LSM14A: variants seen among roughly 807,000 people sequenced by gnomAD.
LSM14A encodes the protein LSM14A mRNA processing body assembly factor.
A neutral mutation model predicts 52.4 loss-of-function variants in LSM14A; 14 were observed. That is an observed-to-expected ratio of 0.27 (90% CI 0.18 to 0.42). The LOEUF is 0.42. Among genes scored for constraint, LSM14A ranks in the 10% least tolerant of loss-of-function variants. The pLI, the probability that LSM14A is intolerant of heterozygous loss-of-function variation, is 1.00. For missense variants in LSM14A, 417 were observed against 581.8 expected (o/e 0.72, Z 2.91); for synonymous variants, 185 against 200.3 (o/e 0.92, Z 0.64).
In LSM14A at chr19:34,227,790, TTG is replaced by T. The variant is rs71165635; in HGVS notation, c.*440_*441del. 0.062 allele frequency: 9,444 copies of T among 152,152 alleles called. 279 individuals carry two copies. Among genetic ancestry groups the T allele is most frequent in the African/African-American group, 0.099 (3,632 of 36,506 alleles). 9.4% of individuals were successfully genotyped at this position (152,152 alleles called of 1,614,324 possible). A position where few individuals can be genotyped will look rare whatever the true frequency, so the allele number is the denominator to read the frequency against. The stretch of plus-strand genomic sequence containing the variant: ...ATACTGTGTTTTGAGCCACAGAAGG[TTG>T]TGTGTGTGTGTGTGTGTGTGTGTGT... On this transcript the variant is annotated 3_prime_UTR_variant, in exon 10 of 10. Coordinates refer to ENST00000544216, the MANE Select transcript of LSM14A (RefSeq NM_015578.4).
intron 2 of LSM14A, among the ~76,000 whole-genome samples, chr19:34,196,360 C>A (rs1312491438): frequency 6.6e-6 from 1 of 151,986 alleles, no homozygotes; most frequent in Non-Finnish European, 1.5e-5. Flanking sequence ...AACTTTAATT[C>A]TTTCCTCAAT....
At chr19:34,192,836 G>A (rs1409339463) in intron 1 of LSM14A, among the ~76,000 whole-genome samples, 1 of 151,636 alleles carries the variant, frequency 6.6e-6, no homozygotes, top group Non-Finnish European at 1.5e-5. Context: ...AAAATTAGCT[G>A]CGCATGGTGG....
At position 34,221,695 on chromosome 19, in the gene LSM14A, G is replaced by C; in HGVS notation, c.1325G>C (p.Arg442Thr). ...CCTCGAGGATTTCGCGGTGGATTCAGAGGAGGTCGTGGGGGCCGGGAGTTT... is the reference window on the plus strand; with the variant it reads ...CCTCGAGGATTTCGCGGTGGATTCACAGGAGGTCGTGGGGGCCGGGAGTTT... ...TAPRGFRGGF[R>T]GGRGGREFAD... Residue 442 changes from arginine (R) to threonine (T), a missense_variant, in exon 9 of 10, where the codon AGA (arginine) becomes ACA (threonine). Physicochemically the swap from Arg to Thr is moderately conservative, Grantham distance 71. Coordinates refer to ENST00000544216, the MANE Select transcript of LSM14A (RefSeq NM_015578.4). 1.2e-6 allele frequency: 2 copies of C among 1,614,116 alleles called. No individual in the cohort carries two copies. The highest frequency in any genetic ancestry group is 2.2e-5 in the South Asian group (2 of 91,082).
At chr19:34,193,868 A>G (rs1205671723) in intron 1 of LSM14A, among the ~76,000 whole-genome samples, 1 of 152,192 alleles carries the variant, frequency 6.6e-6, no homozygotes, top group Non-Finnish European at 1.5e-5. Context: ...GAATGAGGAC[A>G]TTAAAAATAA....
intron 1 of LSM14A, among the ~76,000 whole-genome samples, chr19:34,192,893 C>A (rs367549435): frequency 6.6e-6 from 1 of 151,758 alleles, no homozygotes; most frequent in African/African-American, 2.4e-5. Flanking sequence ...GCAGGAGAGT[C>A]GCTTGAACCC....
intron 3 of LSM14A, among the ~76,000 whole-genome samples, chr19:34,198,463 A>G (rs1319875569): frequency 6.6e-6 from 1 of 152,076 alleles, no homozygotes; most frequent in African/African-American, 2.4e-5. Context: ...AAAATACAAA[A>G]TTAGCTGGAC....
At chr19:34,221,257 A>AT in intron 8 of LSM14A, 1 of 456,686 alleles carries the variant, frequency 2.2e-6, no homozygotes, top group Non-Finnish European at 3.9e-6. Flanking sequence ...TATTTTTTGT[A>AT]TTTTTGGTAG....
chr19:34,215,994 A>G (rs902327776), intron 6 of LSM14A, among the ~76,000 whole-genome samples: 6 of 152,248 alleles, frequency 3.9e-5, no homozygotes, highest in African/African-American at 1.4e-4. Flanking sequence ...ATAATGTACC[A>G]TAATTATATA....
rs2073396029 is a variant in LSM14A at position 34,227,365 on chromosome 19, AAAG to A, written c.1371_1373del (p.Lys457_Asp458delinsAsn). On this transcript the variant is annotated inframe_deletion and splice_region_variant, in exon 10 of 10. Transcript: ENST00000544216. ...AGCTAAATTTTTTTTTCTTTTTTAG[AAAG>A]ACAACAAAGTTGCTGCATAGTCTAC... 1 of 1,592,926 alleles carries A rather than the reference AAAG, an allele frequency of 6.3e-7. No individual in the cohort carries two copies. Among genetic ancestry groups the A allele is most frequent in the African/African-American group, 1.4e-5 (1 of 73,596 alleles).
At chr19:34,206,892 A>T (rs148759055) in intron 3 of LSM14A, among the ~76,000 whole-genome samples, 98 of 152,324 alleles carry the variant, frequency 6.4e-4, no homozygotes, top group Non-Finnish European at 1.1e-3. Flanking sequence ...TTATCTCAGG[A>T]CTGCGAAGCT....
At chr19:34,207,894 A>G (rs993333765) in intron 3 of LSM14A, among the ~76,000 whole-genome samples, 1 of 152,126 alleles carries the variant, frequency 6.6e-6, no homozygotes, top group Non-Finnish European at 1.5e-5. Context: ...CCAAGAAAGG[A>G]AGGGGAGAGT....
At position 34,221,586 on chromosome 19, in the gene LSM14A, C is replaced by T. The variant is rs375364443; in HGVS notation, c.1216C>T (p.Arg406Cys). ...FGIPLRPNRG[R>C]GGYRGRGGLG... The stretch of plus-strand genomic sequence containing the variant: ...AATCCCACTTCGTCCAAACCGTGGC[C>T]GTGGGGGATACAGAGGCAGAGGAGG... The change falls in exon 9 of 10, where the codon CGT (arginine) becomes TGT (cysteine). Residue 406 changes from arginine to cysteine, a missense_variant. Physicochemically the swap from Arg to Cys is radical, Grantham distance 180. This residue lies in a region of LSM14A where 357 missense variants were observed against 457.0 expected (regional missense o/e 0.78). Coordinates refer to ENST00000544216, the MANE Select transcript of LSM14A (RefSeq NM_015578.4). 8.7e-6 allele frequency: 14 copies of T among 1,613,922 alleles called. No homozygotes were observed. The highest frequency in any genetic ancestry group is 2.7e-5 in the African/African-American group (2 of 74,862).
chr19:34,181,920 A>C (rs1393872719), intron 1 of LSM14A, among the ~76,000 whole-genome samples: 1 of 152,070 alleles, frequency 6.6e-6, no homozygotes, highest in South Asian at 2.1e-4. Flanking sequence ...TTCCTCCATC[A>C]GCCTTCCCCA....
At chr19:34,221,825 A>G (rs759074711) in intron 9 of LSM14A, 87 bp downstream of exon 9, 23 of 1,496,410 alleles carry the variant, frequency 1.5e-5, no homozygotes, top group Non-Finnish European at 2.1e-5. Context: ...TTTTGGGTGA[A>G]TTGTTTTGAG....
intron 1 of LSM14A, among the ~76,000 whole-genome samples, chr19:34,193,707 A>G (rs2070634292): frequency 6.6e-6 from 1 of 152,156 alleles, no homozygotes; most frequent in Non-Finnish European, 1.5e-5. Context: ...TAGAGGACTT[A>G]CTGCTCAGCA....
chr19:34,173,144 A>C (rs948447280), intron 1 of LSM14A, among the ~76,000 whole-genome samples: 2 of 152,248 alleles, frequency 1.3e-5, no homozygotes, highest in African/African-American at 2.4e-5. Flanking sequence ...GCTTGAGTTC[A>C]TCGCGGATGC....
intron 4 of LSM14A, among the ~76,000 whole-genome samples, chr19:34,212,439 C>T (rs1057493772): frequency 1.3e-5 from 2 of 152,050 alleles, no homozygotes; most frequent in Non-Finnish European, 2.9e-5. Context: ...GATTCTTTCC[C>T]TCATACTGAG....
chr19:34,215,147 C>T lies in LSM14A; in HGVS notation c.562C>T (p.Pro188Ser), dbSNP rs780544197. Residue 188 changes from proline to serine, a missense_variant, in exon 5 of 10, where the codon CCT (proline) becomes TCT (serine). Pro to Ser is a moderately conservative substitution (Grantham distance 74). Around this residue, in one of 2 missense-constraint regions of LSM14A, gnomAD observed 357 missense variants for 457.0 expected, o/e 0.78. Transcript: ENST00000544216. ...AGGTCGCTCAAGCCCTCAGTTAGACCCTTTGAGAAAAAGCCCAACCATGGA... is the reference window on the plus strand; with the variant it reads ...AGGTCGCTCAAGCCCTCAGTTAGACTCTTTGAGAAAAAGCCCAACCATGGA... ...SQGRSSPQLDPLRKSPTMEQA... is the reference protein window; with the variant it reads ...SQGRSSPQLDSLRKSPTMEQA... 2.5e-6 allele frequency: 4 copies of T among 1,612,804 alleles called. No individual in the cohort carries two copies. In the African/African-American group the frequency reaches 4.0e-5, roughly 16 times the overall value.
intron 1 of LSM14A, among the ~76,000 whole-genome samples, chr19:34,193,710 G>A (rs763496322): frequency 5.9e-5 from 9 of 152,218 alleles, no homozygotes; most frequent in East Asian, 5.8e-4. Flanking sequence ...AGGACTTACT[G>A]CTCAGCAAGG....
Sources: allele counts gnomAD v4.1 joint callset (sites outside exome capture counted in the v4.1 genomes callset), GRCh38; gene constraint gnomAD v4.1.1; regional missense constraint gnomAD v4.1.1; transcripts MANE v1.5; gene names NCBI Gene and HGNC (gene_info 2026-07-23, HGNC 2026-07-21).